Variants in PDE10A observed in about 807,000 individuals in gnomAD.
PDE10A encodes the protein phosphodiesterase 10A, also known as cAMP and cAMP-inhibited cGMP 3',5'-cyclic phosphodiesterase 10A.
A neutral mutation model predicts 97.7 loss-of-function variants in PDE10A; 39 were observed. The ratio of observed to expected loss-of-function variants is 0.40; its 90% CI spans 0.31 to 0.52. PDE10A has a LOEUF of 0.52. Among genes scored for constraint, PDE10A ranks in the 20% least tolerant of loss-of-function variants. The pLI, the probability that PDE10A is intolerant of heterozygous loss-of-function variation, is 0.56. For synonymous variants in PDE10A, 371 were observed against 376.8 expected, an observed-to-expected ratio of 0.98 and a Z score of 0.18; for missense variants, 731 against 1,047.8, an observed-to-expected ratio of 0.70 and a Z score of 4.17.
intron 1 of PDE10A, among the ~76,000 whole-genome samples, chr6:165,605,486 G>A: frequency 6.6e-6 from 1 of 152,130 alleles, no homozygotes. Context: ...CCCTTATCCT[G>A]GAATGTATTG....
At chr6:165,373,892 T>G (rs1260064219) in intron 18 of PDE10A, among the ~76,000 whole-genome samples, 1 of 151,788 alleles carries the variant, frequency 6.6e-6, no homozygotes, top group Non-Finnish European at 1.5e-5. Flanking sequence ...CATGGAATAC[T>G]ATGCAGCCAT....
intron 1 of PDE10A, among the ~76,000 whole-genome samples, chr6:165,932,811 C>T (rs952807482): frequency 2.0e-5 from 3 of 152,314 alleles, no homozygotes; most frequent in Admixed American, 6.5e-5. Context: ...TATGAGTTTC[C>T]GGGGGGCTTA....
rs1417678748 is a variant in PDE10A at position 165,662,941 on chromosome 6, T to A, written c.-130A>T. Reference sequence around the variant, plus strand: ...CGCCCGAACCGCTGCCTGGTCCTCCTCTCCGGTCTTCGGCTTCCCTCCCAG... The same window carrying A: ...CGCCCGAACCGCTGCCTGGTCCTCCACTCCGGTCTTCGGCTTCCCTCCCAG... On this transcript the variant is annotated 5_prime_UTR_variant, in exon 1 of 22. Transcript: ENST00000539869. 6.6e-6 allele frequency among the ~76,000 whole-genome samples: 1 copy of A among 150,802 alleles called. No homozygotes were observed. The highest frequency in any genetic ancestry group is 2.0e-4 in the East Asian group (1 of 5,012).
chr6:165,492,282 A>G (rs1327154567), intron 2 of PDE10A, among the ~76,000 whole-genome samples: 9 of 152,240 alleles, frequency 5.9e-5, no homozygotes, highest in Admixed American at 3.3e-4. Flanking sequence ...AGACATTCAA[A>G]GAAGAATTGG....
intron 1 of PDE10A, among the ~76,000 whole-genome samples, chr6:165,883,973 T>A (rs771199155): frequency 6.6e-6 from 1 of 152,048 alleles, no homozygotes; most frequent in Non-Finnish European, 1.5e-5. Context: ...GTATGCCGAC[T>A]CCGGAGAGAA....
At chr6:165,766,646 G>A (rs191450037) in intron 1 of PDE10A, among the ~76,000 whole-genome samples, 1 of 152,310 alleles carries the variant, frequency 6.6e-6, no homozygotes, top group Non-Finnish European at 1.5e-5. Flanking sequence ...ACGTTCAGGC[G>A]GTGTCTGCAG....
At chr6:165,452,477 G>T (rs1791368912) in intron 3 of PDE10A, among the ~76,000 whole-genome samples, 1 of 152,138 alleles carries the variant, frequency 6.6e-6, no homozygotes, top group African/African-American at 2.4e-5. Context: ...GTTATTGGGG[G>T]AGTGAATTAG....
At chr6:165,646,584 C>T (rs1426078299) in intron 1 of PDE10A, among the ~76,000 whole-genome samples, 4 of 152,188 alleles carry the variant, frequency 2.6e-5, no homozygotes, top group African/African-American at 7.2e-5. Context: ...ATTCAGCACG[C>T]GCTCAGTGAT....
intron 3 of PDE10A, among the ~76,000 whole-genome samples, chr6:165,468,992 C>T (rs1166719244): frequency 6.6e-6 from 1 of 152,156 alleles, no homozygotes; most frequent in East Asian, 1.9e-4. Flanking sequence ...AATGGTGTGG[C>T]AAAACAGGTG....
intron 1 of PDE10A, among the ~76,000 whole-genome samples, chr6:165,831,056 C>A (rs1253532550): frequency 1.3e-5 from 2 of 152,140 alleles, no homozygotes; most frequent in African/African-American, 2.4e-5. Context: ...ACAGAGTCCT[C>A]TCCCTCAACA....
intron 1 of PDE10A, among the ~76,000 whole-genome samples, chr6:165,556,492 A>C (rs148537744): frequency 6.6e-6 from 1 of 152,306 alleles, no homozygotes; most frequent in African/African-American, 2.4e-5. Flanking sequence ...GCTAATTTGG[A>C]TTAAAGGGGA....
chr6:165,421,290 A>C (rs1788675956), intron 10 of PDE10A, among the ~76,000 whole-genome samples: 1 of 152,030 alleles, frequency 6.6e-6, no homozygotes, highest in Non-Finnish European at 1.5e-5. Context: ...AAACAATATA[A>C]AAATTAGTCA....
At chr6:165,853,143 C>T (rs566905028) in intron 1 of PDE10A, among the ~76,000 whole-genome samples, 1 of 152,360 alleles carries the variant, frequency 6.6e-6, no homozygotes, top group South Asian at 2.1e-4. Context: ...TCTCCACAGT[C>T]CCGGAGCGGG....
At chr6:165,410,128 C>T (rs566749625) in intron 13 of PDE10A, among the ~76,000 whole-genome samples, 3 of 150,386 alleles carry the variant, frequency 2.0e-5, no homozygotes, top group Admixed American at 1.3e-4. Context: ...TTCCCACATC[C>T]CATTTTGAAA....
intron 1 of PDE10A, among the ~76,000 whole-genome samples, chr6:165,967,841 G>A (rs902260782): frequency 2.0e-5 from 3 of 152,108 alleles, no homozygotes; most frequent in African/African-American, 4.8e-5. Flanking sequence ...CATTTGATGT[G>A]TAAATAGATG....
intron 1 of PDE10A, among the ~76,000 whole-genome samples, chr6:165,749,395 T>TCA (rs1792936079): frequency 6.6e-5 from 1 of 15,096 alleles, no homozygotes; most frequent in African/African-American, 2.2e-4. Flanking sequence ...ATCATCACCA[T>TCA]TACCATCAAC....
At chr6:165,901,575 G>A (rs1208719395) in intron 1 of PDE10A, among the ~76,000 whole-genome samples, 1 of 152,194 alleles carries the variant, frequency 6.6e-6, no homozygotes, top group African/African-American at 2.4e-5. Flanking sequence ...AGCCGAGGCG[G>A]GCGGATCACC....
At chr6:165,665,326 G>C (rs964643634), upstream of PDE10A, among the ~76,000 whole-genome samples, 1 of 152,182 alleles carries the variant, frequency 6.6e-6, no homozygotes, top group Non-Finnish European at 1.5e-5. Flanking sequence ...TCACTCACCC[G>C]TGCTCAGGTG....
chr6:165,796,091 C>CTTTTTTTTTTTTTTTTTTTTT (rs1168771487), intron 1 of PDE10A, among the ~76,000 whole-genome samples: 11 of 108,814 alleles, frequency 1.0e-4, no homozygotes, highest in East Asian at 5.6e-4. Context: ...TTTTTCTTTT[C>CTTTTTTTTTTTTTTTTTTTTT]TTTTTTTTTT....
Sources: gnomAD v4.1 joint callset for allele counts (sites outside exome capture counted in the v4.1 genomes callset) on GRCh38, gnomAD v4.1.1 for gene constraint, MANE v1.5 for transcripts, NCBI Gene and HGNC (gene_info 2026-07-23, HGNC 2026-07-21) for gene names.